PSTPIP2: variants seen among roughly 807,000 people sequenced by gnomAD.
PSTPIP2 encodes the protein proline-serine-threonine phosphatase interacting protein 2.
A neutral mutation model predicts 63.3 loss-of-function variants in PSTPIP2; 33 were observed. That is an observed-to-expected ratio of 0.52 (90% confidence interval 0.40 to 0.70). The LOEUF is 0.70. PSTPIP2 is among the 30% of genes least tolerant of loss of function. The pLI is 0.00. For synonymous variants in PSTPIP2, 125 were observed against 132.7 expected (o/e 0.94, Z 0.40); for missense variants, 312 against 400.7 (o/e 0.78, Z 1.89).
rs2051492745 is a variant in PSTPIP2 at position 45,988,700 on chromosome 18, A to G, written c.*8+2T>C. ...AATTATGTGAAAAATAAAGGTTCTT[A>G]CCATTGATTTTACTGATAGAGCAAA... On this transcript the variant is annotated splice_donor_variant, in intron 14 of 14. Transcript: ENST00000409746. LOFTEE classifies it low-confidence loss of function (3UTR_SPLICE). 6.5e-7 allele frequency: 1 copy of G among 1,539,832 alleles called. No individual in the cohort carries two copies. The highest frequency in any genetic ancestry group is 9.0e-7 in the Non-Finnish European group (1 of 1,112,636).
At chr18:46,061,322 A>G (rs912052936) in intron 1 of PSTPIP2, among the ~76,000 whole-genome samples, 2 of 152,034 alleles carry the variant, frequency 1.3e-5, no homozygotes, top group African/African-American at 2.4e-5. Flanking sequence ...AAAAAAAAAA[A>G]ATCATATATG....
intron 2 of PSTPIP2, among the ~76,000 whole-genome samples, chr18:46,025,699 A>G (rs1247686912): frequency 1.3e-5 from 2 of 151,186 alleles, no homozygotes; most frequent in African/African-American, 2.4e-5. Flanking sequence ...AAAAAAAAAG[A>G]AAGAAAGAAA....
chr18:46,038,862 C>T (rs1340906824), intron 2 of PSTPIP2, among the ~76,000 whole-genome samples: 6 of 152,156 alleles, frequency 3.9e-5, no homozygotes, highest in Non-Finnish European at 8.8e-5. Flanking sequence ...AGAGGCAGGG[C>T]GTGGTGGCTC....
At chr18:46,002,669 G>A (rs754756684) in intron 6 of PSTPIP2, among the ~76,000 whole-genome samples, 2 of 151,966 alleles carry the variant, frequency 1.3e-5, no homozygotes, top group Non-Finnish European at 1.5e-5. Flanking sequence ...TTTGTTTCAA[G>A]TGTGAATCAG....
intron 1 of PSTPIP2, among the ~76,000 whole-genome samples, chr18:46,056,027 C>T (rs984999801): frequency 6.6e-6 from 1 of 152,206 alleles, no homozygotes; most frequent in Non-Finnish European, 1.5e-5. Flanking sequence ...CTCACTAGGA[C>T]AGCTTCTATA....
Position 46,036,235 on chromosome 18 carries a change from G to C in PSTPIP2, c.134+3712C>G, listed in dbSNP as rs891007548. On this transcript the variant is annotated intron_variant, in intron 2 of 14. Coordinates refer to ENST00000409746, the MANE Select transcript of PSTPIP2 (RefSeq NM_024430.4). ...GAACAATTATTGTAACAATGTAGTA[G>C]TTATAAACAATTATTGTAACAATTA... is the stretch of plus-strand genomic sequence containing the variant. Among the ~76,000 whole-genome samples, 10 of 151,164 alleles carry C rather than the reference G, an allele frequency of 6.6e-5. No homozygotes were observed. In the East Asian group the frequency reaches 1.7e-3, roughly 26 times the overall value.
intron 12 of PSTPIP2, 87 bp downstream of exon 12, chr18:45,991,815 T>C (rs2051536721): frequency 7.7e-7 from 1 of 1,306,586 alleles, no homozygotes; most frequent in Non-Finnish European, 1.1e-6. Context: ...AGTAGATATG[T>C]TCCAATTCTA....
intron 2 of PSTPIP2, chr18:46,028,584 G>T (rs1907678442): frequency 7.9e-6 from 6 of 758,150 alleles, no homozygotes; most frequent in Non-Finnish European, 1.4e-5. Context: ...CTCAGAAGCG[G>T]AGAATGAAGC....
At chr18:46,051,498 A>C (rs2144122656) in intron 1 of PSTPIP2, among the ~76,000 whole-genome samples, 1 of 152,250 alleles carries the variant, frequency 6.6e-6, no homozygotes, top group Non-Finnish European at 1.5e-5. Flanking sequence ...TTGAACATAA[A>C]ACTGAAAACA....
rs988968050 is a variant in PSTPIP2 at position 46,060,980 on chromosome 18, G to A, written c.33+11176C>T. Among the ~76,000 whole-genome samples, 41 of 152,288 alleles carry A rather than the reference G, an allele frequency of 2.7e-4. 1 individual carries two copies. The highest frequency in any genetic ancestry group is 2.6e-3 in the Admixed American group (40 of 15,292). Reference sequence around the variant, plus strand: ...TGGTCAGTGGTTGGCAGATAAGAGGGAATGCACCAATAGATGCACATTAAT... The same window carrying A: ...TGGTCAGTGGTTGGCAGATAAGAGGAAATGCACCAATAGATGCACATTAAT... On this transcript the variant is annotated intron_variant, in intron 1 of 14. Transcript: ENST00000409746.
intron 9 of PSTPIP2, 48 bp downstream of exon 9, chr18:45,997,701 A>ACGGGGGGGGGGGGGGGGCC: frequency 3.0e-6 from 1 of 332,626 alleles, no homozygotes. Context: ...TGTTACACAC[A>ACGGGGGGGGGGGGGGGGCC]CCCCCACCCA....
chr18:45,995,224 C>T (rs2051581540), intron 9 of PSTPIP2, among the ~76,000 whole-genome samples: 1 of 152,082 alleles, frequency 6.6e-6, no homozygotes, highest in South Asian at 2.1e-4. Flanking sequence ...AAGCAATTCT[C>T]CCGCCTCAGG....
chr18:45,995,909 G>A (rs1312809767), intron 9 of PSTPIP2, among the ~76,000 whole-genome samples: 2 of 152,248 alleles, frequency 1.3e-5, no homozygotes, highest in Admixed American at 6.5e-5. Flanking sequence ...TCCACCTCCC[G>A]GGCTCAAGTG....
chr18:46,015,799 T>C (rs967083010), intron 4 of PSTPIP2, 104 bp downstream of exon 4: 42 of 1,308,096 alleles, frequency 3.2e-5, no homozygotes, highest in Non-Finnish European at 4.0e-5. Flanking sequence ...TAATTTTTTT[T>C]CACCCACTAT....
intron 9 of PSTPIP2, among the ~76,000 whole-genome samples, chr18:45,995,384 T>G (rs1017824762): frequency 3.3e-5 from 5 of 152,290 alleles, no homozygotes; most frequent in Admixed American, 6.5e-5. Context: ...ATTATAGGTG[T>G]GAGCCACCGC....
intron 14 of PSTPIP2, among the ~76,000 whole-genome samples, chr18:45,986,415 T>C (rs1312021926): frequency 6.6e-6 from 1 of 152,206 alleles, no homozygotes; most frequent in African/African-American, 2.4e-5. Flanking sequence ...AGTGGTACTA[T>C]TAAGCTACTA....
intron 4 of PSTPIP2, among the ~76,000 whole-genome samples, chr18:46,014,271 C>T (rs2051831076): frequency 6.7e-6 from 1 of 150,182 alleles, no homozygotes; most frequent in Non-Finnish European, 1.5e-5. Flanking sequence ...ACCTGCCCGC[C>T]TTGGCCTCCC....
chr18:46,012,589 T>C (rs1439053451), intron 4 of PSTPIP2, among the ~76,000 whole-genome samples: 1 of 152,124 alleles, frequency 6.6e-6, no homozygotes, highest in African/African-American at 2.4e-5. Flanking sequence ...TCTGGCAACA[T>C]GGTGAAACCC....
At chr18:46,038,197 G>A (rs145496211) in intron 2 of PSTPIP2, among the ~76,000 whole-genome samples, 3 of 152,344 alleles carry the variant, frequency 2.0e-5, no homozygotes, top group African/African-American at 7.2e-5. Context: ...ATAGCTGGAA[G>A]ACTAGCATTT....
Sources: allele counts gnomAD v4.1 joint callset (sites outside exome capture counted in the v4.1 genomes callset), GRCh38; gene constraint gnomAD v4.1.1; transcripts MANE v1.5; gene names NCBI Gene and HGNC (gene_info 2026-07-23, HGNC 2026-07-21).